The following SLC24A2 variants were observed in gnomAD, a reference collection of about 807,000 sequenced individuals.
SLC24A2 encodes solute carrier family 24 member 2.
In SLC24A2, 36 loss-of-function variants were observed where a neutral mutation model predicts 62.0. That is an observed-to-expected ratio of 0.58 (90% CI 0.44 to 0.77). SLC24A2 has a LOEUF of 0.77. Ranked by LOEUF, SLC24A2 falls within the 30% of genes least tolerant of loss-of-function variation. The pLI, the probability that SLC24A2 is intolerant of heterozygous loss-of-function variation, is 0.00. For missense variants in SLC24A2, 846 were observed against 817.9 expected, an observed-to-expected ratio of 1.03 and a Z score of -0.42; for synonymous variants, 358 against 294.0, an observed-to-expected ratio of 1.22 and a Z score of -2.23.
intron 7 of SLC24A2, 140 bp downstream of exon 7, chr9:19,573,211 A>G (rs1835889115): frequency 1.6e-6 from 1 of 639,920 alleles, no homozygotes; most frequent in Non-Finnish European, 2.9e-6. Context: ...TGGGAAATAC[A>G]CACAAGGATG....
At chr9:19,962,537 A>G in the SLC24A2 span, among the ~76,000 whole-genome samples, 1 of 152,016 alleles carries the variant, frequency 6.6e-6, no homozygotes, top group Non-Finnish European at 1.5e-5. Flanking sequence ...CTTTTATTTC[A>G]TTGAGCAGTG....
At chr9:20,183,683 G>A in the SLC24A2 span, among the ~76,000 whole-genome samples, 1 of 152,182 alleles carries the variant, frequency 6.6e-6, no homozygotes, top group African/African-American at 2.4e-5. Flanking sequence ...AGCAGAGGAT[G>A]GAAGAGGCTT....
chr9:20,132,267 T>G, the SLC24A2 span, among the ~76,000 whole-genome samples: 1 of 151,960 alleles, frequency 6.6e-6, no homozygotes, highest in East Asian at 1.9e-4. Context: ...AGCACACCCA[T>G]TGGAACCGAG....
At chr9:19,800,300 T>A in the SLC24A2 span, among the ~76,000 whole-genome samples, 1 of 152,192 alleles carries the variant, frequency 6.6e-6, no homozygotes, top group East Asian at 1.9e-4. Flanking sequence ...CAATCCATGA[T>A]GAGAAAGTGA....
chr9:20,006,292 A>G, the SLC24A2 span, among the ~76,000 whole-genome samples: 270 of 152,060 alleles, frequency 1.8e-3, 6 homozygotes, highest in Non-Finnish European at 5.4e-4. Flanking sequence ...TTAAATGTAT[A>G]TTAATTGCTC....
At chr9:20,231,055 A>C in the SLC24A2 span, among the ~76,000 whole-genome samples, 2 of 151,922 alleles carry the variant, frequency 1.3e-5, no homozygotes, top group South Asian at 4.2e-4. Context: ...GATATGCCGC[A>C]TTATTTCTGA....
the SLC24A2 span, among the ~76,000 whole-genome samples, chr9:20,108,626 C>A: frequency 1.3e-5 from 2 of 149,814 alleles, no homozygotes; most frequent in Non-Finnish European, 2.9e-5. Context: ...CATATTCTCA[C>A]TCATAGGTGG....
the SLC24A2 span, among the ~76,000 whole-genome samples, chr9:20,057,766 G>C: frequency 6.6e-6 from 1 of 152,202 alleles, no homozygotes; most frequent in South Asian, 2.1e-4. Context: ...ACTTTTCAAA[G>C]CACATTCTAG....
chr9:20,098,018 A>T, the SLC24A2 span, among the ~76,000 whole-genome samples: 4 of 148,220 alleles, frequency 2.7e-5, no homozygotes, highest in Non-Finnish European at 6.0e-5. Flanking sequence ...CTGGGATTAC[A>T]GGCGGAGCCA....
chr9:19,861,206 A>C, the SLC24A2 span, among the ~76,000 whole-genome samples: 93,099 of 151,920 alleles, frequency 0.61, 29,012 homozygotes, highest in Non-Finnish European at 0.64. Flanking sequence ...TGCTTGTGTC[A>C]CTCCACCCTC....
chr9:20,205,577 G>A, the SLC24A2 span, among the ~76,000 whole-genome samples: 1 of 146,518 alleles, frequency 6.8e-6, no homozygotes, highest in East Asian at 2.1e-4. Flanking sequence ...TGTGAACCCA[G>A]GAGGCAGAGC....
At chr9:19,864,780 G>A in the SLC24A2 span, among the ~76,000 whole-genome samples, 1 of 152,046 alleles carries the variant, frequency 6.6e-6, no homozygotes, top group Non-Finnish European at 1.5e-5. Flanking sequence ...TCTAGAACAT[G>A]ACAAGGATGC....
chr9:19,972,162 A>G, the SLC24A2 span, among the ~76,000 whole-genome samples: 1 of 152,028 alleles, frequency 6.6e-6, no homozygotes, highest in Admixed American at 6.6e-5. Context: ...TTTCACCACT[A>G]TGAGGCCAGT....
At chr9:20,097,994 G>C in the SLC24A2 span, among the ~76,000 whole-genome samples, 46 of 151,098 alleles carry the variant, frequency 3.0e-4, 3 homozygotes, top group African/African-American at 1.1e-3. Flanking sequence ...CGCCCGCCTC[G>C]GCCTCCCAAA....
chr9:20,218,910 G>C, the SLC24A2 span, among the ~76,000 whole-genome samples: 1 of 152,110 alleles, frequency 6.6e-6, no homozygotes, highest in South Asian at 2.1e-4. Flanking sequence ...TAGAGGCTCA[G>C]AGTCATTGGG....
the SLC24A2 span, among the ~76,000 whole-genome samples, chr9:20,214,640 A>T: frequency 1.4e-5 from 2 of 146,076 alleles, no homozygotes; most frequent in Non-Finnish European, 3.1e-5. Flanking sequence ...AAAAAAAAAA[A>T]TTGTTAAAAG....
At chr9:19,782,033 C>T (rs1396560245) in intron 2 of SLC24A2, among the ~76,000 whole-genome samples, 1 of 152,194 alleles carries the variant, frequency 6.6e-6, no homozygotes, top group Non-Finnish European at 1.5e-5. Flanking sequence ...ACCTAAATTA[C>T]TAAGTAGTCT....
intron 2 of SLC24A2, among the ~76,000 whole-genome samples, chr9:19,708,049 C>G (rs1173408901): frequency 1.3e-5 from 2 of 152,204 alleles, no homozygotes; most frequent in South Asian, 4.1e-4. Flanking sequence ...TAAGCAAATT[C>G]AGCAAAGTCA....
At chr9:19,996,911 A>T in the SLC24A2 span, among the ~76,000 whole-genome samples, 2 of 152,108 alleles carry the variant, frequency 1.3e-5, no homozygotes, top group African/African-American at 2.4e-5. Flanking sequence ...TAGCAACATT[A>T]TTAGATTTGA....
Sources: allele counts gnomAD v4.1 joint callset (sites outside exome capture counted in the v4.1 genomes callset), GRCh38; gene constraint gnomAD v4.1.1; transcripts MANE v1.5; gene names NCBI Gene and HGNC (gene_info 2026-07-23, HGNC 2026-07-21).